The following BNIP3 variants were observed in gnomAD, a reference collection of about 807,000 sequenced individuals.
BNIP3 encodes the protein BCL2 interacting protein 3, also known as BCL2/adenovirus E1B 19 kDa protein-interacting protein 3.
A neutral mutation model predicts 23.9 loss-of-function variants in BNIP3; 16 were observed. The observed-to-expected ratio is 0.67, with a 90% CI of 0.45 to 1.01. BNIP3 has a LOEUF of 1.01. Among genes scored for constraint, BNIP3 ranks in the 50% least tolerant of loss-of-function variants. BNIP3 has a pLI of 0.00. For missense variants in BNIP3, 198 were observed against 248.7 expected (o/e 0.80, Z 1.37); for synonymous variants, 81 against 89.3 (o/e 0.91, Z 0.53).
chr10:131,981,725 G>A, intron 1 of BNIP3, 36 bp downstream of exon 1: 4 of 1,451,486 alleles, frequency 2.8e-6, no homozygotes, highest in Non-Finnish European at 2.7e-6. Context: ...TCCCCCCCGC[G>A]CCCCCTCGGC....
chr10:131,972,989 A>G (rs748434175), intron 3 of BNIP3, 45 bp downstream of exon 3: 2 of 1,570,812 alleles, frequency 1.3e-6, no homozygotes, highest in Non-Finnish European at 1.8e-6. Flanking sequence ...CTGTACAAAC[A>G]GATCACAAAT....
chr10:131,974,213 A>T (rs931927837), intron 1 of BNIP3, among the ~76,000 whole-genome samples: 2 of 152,236 alleles, frequency 1.3e-5, no homozygotes, highest in African/African-American at 4.8e-5. Context: ...ATACCAAGCC[A>T]ATGTCCAATA....
At chr10:131,981,377 C>T in intron 1 of BNIP3, 2 of 299,164 alleles carry the variant, frequency 6.7e-6, no homozygotes, top group Non-Finnish European at 1.2e-5. Flanking sequence ...AAAACCAATA[C>T]TGGTCTGAAC....
Position 131,967,786 on chromosome 10 carries a change from T to A in BNIP3, c.*738A>T, listed in dbSNP as rs2036984774. The A allele has an allele frequency of 6.6e-6, 1 of 152,472 alleles. No homozygotes were observed. Among genetic ancestry groups the A allele is most frequent in the African/African-American group, 2.4e-5 (1 of 41,440 alleles). 9.4% of individuals were successfully genotyped at this position (152,472 alleles called of 1,614,324 possible). ...AGCTGATTTTAAAAGCACACAAAAGTTGAACACAAAGGAGAGGATTAAATT... is the reference window on the plus strand; with the variant it reads ...AGCTGATTTTAAAAGCACACAAAAGATGAACACAAAGGAGAGGATTAAATT... On this transcript the variant is annotated 3_prime_UTR_variant, in exon 6 of 6. Transcript: ENST00000368636.
chr10:131,973,693 A>AG lies in BNIP3; in HGVS notation c.197+99dup, dbSNP rs1589976605. On this transcript the variant is annotated intron_variant, in intron 2 of 5. Coordinates refer to ENST00000368636, the MANE Select transcript of BNIP3 (RefSeq NM_004052.4). ...CAGAACGCGGCCCGAGGCGAACAGC[A>AG]GCCCACTGTCCTAGAGGTGACACGG... 13 of 1,515,938 alleles carry AG rather than the reference A, an allele frequency of 8.6e-6. No homozygotes were observed. The East Asian group carries it at 3.0e-4, about 34-fold the overall frequency. The allele number at this position is 1,515,938 out of a possible 1,614,324, so 93.9% of individuals were successfully genotyped here.
Position 131,981,744 on chromosome 10 carries a change from C to G in BNIP3, c.46+17G>C, listed in dbSNP as rs1374414053. On this transcript the variant is annotated intron_variant, in intron 1 of 5. Coordinates refer to ENST00000368636, the MANE Select transcript of BNIP3 (RefSeq NM_004052.4). ...CCCCGCGCCCCCTCGGCTCCCGCGCCGCCTCCTCCGCCTCACCCTGCAGGC... is the reference window on the plus strand; with the variant it reads ...CCCCGCGCCCCCTCGGCTCCCGCGCGGCCTCCTCCGCCTCACCCTGCAGGC... The G allele has an allele frequency of 2.7e-6, 4 of 1,465,170 alleles. No homozygotes were observed. Among genetic ancestry groups the G allele is most frequent in the Admixed American group, 2.4e-5 (1 of 41,214 alleles). The allele number at this position is 1,465,170 out of a possible 1,614,324, so 90.8% of individuals were successfully genotyped here. A position where few individuals can be genotyped will look rare whatever the true frequency, so the allele number is the denominator to read the frequency against.
At position 131,970,278 on chromosome 10, in the gene BNIP3, A is replaced by T; in HGVS notation, c.539+360T>A. 3.9e-6 allele frequency: 1 copy of T among 257,616 alleles called. No homozygotes were observed. The highest frequency in any genetic ancestry group is 7.4e-6 in the Non-Finnish European group (1 of 135,510). 16.0% of individuals were successfully genotyped at this position (257,616 alleles called of 1,614,324 possible). A position where few individuals can be genotyped will look rare whatever the true frequency, so the allele number is the denominator to read the frequency against. On this transcript the variant is annotated intron_variant, in intron 5 of 5. Transcript: ENST00000368636. This position sits in a 1 kb window ranked among gnomAD's most constrained non-coding sequence, Gnocchi z 4.1. The stretch of plus-strand genomic sequence containing the variant: ...AGCAGGTAACTGAGACCCTCCACCT[A>T]CAGCAGAGCTGGGTGCATTCCCGCC...
At position 131,970,582 on chromosome 10, in the gene BNIP3, A is replaced by G. The variant is rs2037020813; in HGVS notation, c.539+56T>C. 1 of 1,587,526 alleles carries G rather than the reference A, an allele frequency of 6.3e-7. No homozygotes were observed. Among genetic ancestry groups the G allele is most frequent in the African/African-American group, 1.3e-5 (1 of 74,182 alleles). On this transcript the variant is annotated intron_variant, in intron 5 of 5. Transcript: ENST00000368636. This position sits in a 1 kb window ranked among gnomAD's most constrained non-coding sequence, Gnocchi z 4.1. ...AACAGGTTACGAATAAATCACTGCA[A>G]CCCAGAATCGCCCCACGACATGCCA...
Position 131,970,690 on chromosome 10 carries a change from T to A in BNIP3, c.487A>T (p.Lys163Ter). Reference protein sequence around the residue: ...KGGIFSAEFLKVFLPSLLLSH... With the variant: ...KGGIFSAEFL ...AGCAGCAGAGATGGAAGGAAAACTT[T>A]CAGAAATTCTGCAGAGAATATGCCC... Residue 163 changes from lysine to a stop codon, truncating the protein, a stop_gained, in exon 5 of 6, where the codon AAA (lysine) becomes TAA (stop). Transcript: ENST00000368636. LOFTEE classifies it high-confidence loss of function. This position sits in a 1 kb window ranked among gnomAD's most constrained non-coding sequence, Gnocchi z 4.1. 1.2e-6 allele frequency: 2 copies of A among 1,614,180 alleles called. No homozygotes were observed. Among genetic ancestry groups the A allele is most frequent in the Non-Finnish European group, 1.7e-6 (2 of 1,180,016 alleles).
intron 1 of BNIP3, among the ~76,000 whole-genome samples, chr10:131,977,702 T>C (rs2037090716): frequency 6.6e-6 from 1 of 152,084 alleles, no homozygotes; most frequent in African/African-American, 2.4e-5. Flanking sequence ...ACCATCCCAC[T>C]GGCAACATGG....
At chr10:131,968,855 A>C (rs923947729) in intron 5 of BNIP3, 3 of 293,630 alleles carry the variant, frequency 1.0e-5, no homozygotes, top group Non-Finnish European at 2.0e-5. Flanking sequence ...CTTTGTTCCA[A>C]CTCAGTGCTG....
At chr10:131,974,343 C>T (rs1227026168) in intron 1 of BNIP3, among the ~76,000 whole-genome samples, 2 of 152,248 alleles carry the variant, frequency 1.3e-5, no homozygotes, top group Non-Finnish European at 2.9e-5. Flanking sequence ...CTAATGTCAA[C>T]ATAAGCTTAA....
At position 131,970,334 on chromosome 10, in the gene BNIP3, A is replaced by G; in HGVS notation, c.539+304T>C. 2.3e-6 allele frequency: 1 copy of G among 429,380 alleles called. No homozygotes were observed. The highest frequency in any genetic ancestry group is 2.7e-5 in the South Asian group (1 of 37,122). The allele number at this position is 429,380 out of a possible 1,614,324, so 26.6% of individuals were successfully genotyped here. A position where few individuals can be genotyped will look rare whatever the true frequency, so the allele number is the denominator to read the frequency against. ...ACTACACAGAAATGAGACTGCTTTC[A>G]CCTACACACAGGACAAAGAGGTCAG... is the stretch of plus-strand genomic sequence containing the variant. On this transcript the variant is annotated intron_variant, in intron 5 of 5. Coordinates refer to ENST00000368636, the MANE Select transcript of BNIP3 (RefSeq NM_004052.4). The surrounding 1 kb of genome is among the most constrained non-coding windows in gnomAD (Gnocchi z 4.1).
Position 131,968,486 on chromosome 10 carries a change from T to C in BNIP3, c.*38A>G, listed in dbSNP as rs1234366075. Reference sequence around the variant, plus strand: ...GTGAGCTATGTTGCAAGCTCAGAAGTAATCCACTAACGAACCAAGTCAGAC... The same window carrying C: ...GTGAGCTATGTTGCAAGCTCAGAAGCAATCCACTAACGAACCAAGTCAGAC... On this transcript the variant is annotated 3_prime_UTR_variant, in exon 6 of 6. Transcript: ENST00000368636. 6.6e-7 allele frequency: 1 copy of C among 1,523,134 alleles called. No homozygotes were observed. Among genetic ancestry groups the C allele is most frequent in the Non-Finnish European group, 9.1e-7 (1 of 1,098,944 alleles). 94.4% of individuals were successfully genotyped at this position (1,523,134 alleles called of 1,614,324 possible). A position where few individuals can be genotyped will look rare whatever the true frequency, so the allele number is the denominator to read the frequency against.
intron 5 of BNIP3, 29 bp from the exon 6 acceptor site, chr10:131,968,598 G>A (rs766729446): frequency 1.9e-6 from 3 of 1,561,852 alleles, no homozygotes; most frequent in Non-Finnish European, 2.6e-6. Context: ...AGTAGTTAAT[G>A]TATCTTGTGA....
Position 131,973,870 on chromosome 10 carries a change from A to T in BNIP3, c.120T>A (p.Asn40Lys). Residue 40 changes from asparagine (N) to lysine (K), a missense_variant, in exon 2 of 6, where the codon AAT (asparagine) becomes AAA (lysine). Physicochemically the swap from Asn to Lys is moderately conservative, Grantham distance 94. Transcript: ENST00000368636. ...GSVPASVSIYNGDMEKILLDA... is the reference protein window; with the variant it reads ...GSVPASVSIYKGDMEKILLDA... ...CCAGCAGTATTTTTTCCATGTCTCC[A>T]TTATAAATAGAAACCGAGGCTGGAA... 1 of 1,613,170 alleles carries T rather than the reference A, an allele frequency of 6.2e-7. No individual in the cohort carries two copies. Among genetic ancestry groups the T allele is most frequent in the Non-Finnish European group, 8.5e-7 (1 of 1,180,030 alleles).
rs1390486881 is a variant in BNIP3, at chr10:131,976,451, CAG to C, written c.47-2510_47-2509del. On this transcript the variant is annotated intron_variant, in intron 1 of 5. Transcript: ENST00000368636. The surrounding 1 kb of genome is among the most constrained non-coding windows in gnomAD (Gnocchi z 4.3). ...ATTTCTGCCAGTGCCTCTACCTACT[CAG>C]GGGATCCCACACACCTGCCTCAGGT... Among the ~76,000 whole-genome samples the C allele has an allele frequency of 1.3e-5, 2 of 152,218 alleles. No individual in the cohort carries two copies. Among genetic ancestry groups the C allele is most frequent in the Admixed American group, 6.5e-5 (1 of 15,280 alleles).
rs2037061012 is a variant in BNIP3 at position 131,973,901 on chromosome 10, C to G, written c.89G>C (p.Gly30Ala). 2 of 1,613,556 alleles carry G rather than the reference C, an allele frequency of 1.2e-6. No individual in the cohort carries two copies. The highest frequency in any genetic ancestry group is 3.3e-5 in the Admixed American group (2 of 60,024). ...AATAGAAACCGAGGCTGGAACGCTG[C>G]CCCCGTTCCCATTATTGCTGAAGTG... Reference protein sequence around the residue: ...ELHFSNNGNGGSVPASVSIYN... With the variant: ...ELHFSNNGNGASVPASVSIYN... The change falls in exon 2 of 6, where the codon GGC becomes GCC. Residue 30 changes from glycine (G) to alanine (A), a missense_variant. Coordinates refer to ENST00000368636, the MANE Select transcript of BNIP3 (RefSeq NM_004052.4).
rs1050845006 is a variant in BNIP3, at chr10:131,978,550, G to A, written c.46+3211C>T. ...ACATGGATTCATGGGCCACAGCCAC[G>A]AGCCCCACGTGGAGTAAACACAGGG... On this transcript the variant is annotated intron_variant, in intron 1 of 5. Transcript: ENST00000368636. Among the ~76,000 whole-genome samples, 5 of 152,082 alleles carry A rather than the reference G, an allele frequency of 3.3e-5. 1 individual carries two copies. The highest frequency in any genetic ancestry group is 3.9e-4 in the East Asian group (2 of 5,192).
Sources: allele counts gnomAD v4.1 joint callset (sites outside exome capture counted in the v4.1 genomes callset), GRCh38; gene constraint gnomAD v4.1.1; non-coding constraint Gnocchi (gnomAD v3.1); transcripts MANE v1.5; gene names NCBI Gene and HGNC (gene_info 2026-07-23, HGNC 2026-07-21).